LRRC74A: variants seen among roughly 807,000 people sequenced by gnomAD.
The protein encoded by LRRC74A is leucine-rich repeat-containing protein 74A.
In LRRC74A, 44 loss-of-function variants were observed where a neutral mutation model predicts 57.9. The observed-to-expected ratio is 0.76, with a 90% confidence interval of 0.60 to 0.98. The LOEUF is 0.98. Ranked by LOEUF, LRRC74A falls within the 50% of genes least tolerant of loss-of-function variation. The pLI, the probability that LRRC74A is intolerant of heterozygous loss-of-function variation, is 0.00. For missense variants in LRRC74A, 572 were observed against 574.0 expected, an observed-to-expected ratio of 1.00 and a Z score of 0.04; for synonymous variants, 211 against 219.4, an observed-to-expected ratio of 0.96 and a Z score of 0.34.
In LRRC74A at chr14:76,831,330, C is replaced by A; in HGVS notation, c.294C>A (p.His98Gln). 1.2e-6 allele frequency: 2 copies of A among 1,613,920 alleles called. No homozygotes were observed. The highest frequency in any genetic ancestry group is 1.7e-6 in the Non-Finnish European group (2 of 1,179,882). The change falls in exon 3 of 14, where the codon CAC (histidine) becomes CAA (glutamine). Residue 98 changes from histidine (H) to glutamine (Q), a missense_variant. Physicochemically the swap from His to Gln is conservative, Grantham distance 24 (BLOSUM62 0). Coordinates refer to ENST00000689127, the MANE Select transcript of LRRC74A (RefSeq NM_001385106.1). Reference sequence around the variant, plus strand: ...AGTCCTACGTGAACCTCAACCACCACGGCCTGGGCCCCAGGGGTACCAAGG... The same window carrying A: ...AGTCCTACGTGAACCTCAACCACCAAGGCCTGGGCCCCAGGGGTACCAAGG... ...MEESYVNLNH[H>Q]GLGPRGTKAI...
chr14:76,852,143 C>G (rs1405489415), intron 7 of LRRC74A, among the ~76,000 whole-genome samples: 2 of 152,186 alleles, frequency 1.3e-5, no homozygotes, highest in Non-Finnish European at 2.9e-5. Context: ...TCCTTCCCAC[C>G]TAAACTATGT....
chr14:76,831,476 C>A, intron 3 of LRRC74A, 101 bp downstream of exon 3: 2 of 1,286,876 alleles, frequency 1.6e-6, no homozygotes, highest in South Asian at 1.3e-5. Context: ...AGCCTAAACC[C>A]ACACTTTATG....
intron 12 of LRRC74A, among the ~76,000 whole-genome samples, chr14:76,866,578 G>A (rs1046586860): frequency 2.0e-5 from 3 of 152,154 alleles, no homozygotes; most frequent in African/African-American, 7.2e-5. Context: ...TAGGACTCCA[G>A]AGGAGAAGTT....
intron 3 of LRRC74A, among the ~76,000 whole-genome samples, chr14:76,833,682 A>T (rs1478193729): frequency 3.3e-5 from 5 of 151,916 alleles, no homozygotes; most frequent in Admixed American, 6.6e-5. Flanking sequence ...GCCTCAAGTG[A>T]TCCTCCCGCC....
intron 7 of LRRC74A, among the ~76,000 whole-genome samples, chr14:76,848,280 A>T: frequency 6.7e-6 from 1 of 149,304 alleles, no homozygotes; most frequent in Non-Finnish European, 1.5e-5. Context: ...AAAGTATGAT[A>T]AAAAAATAAA....
intron 3 of LRRC74A, among the ~76,000 whole-genome samples, chr14:76,833,690 G>A (rs8009379): frequency 0.28 from 42,953 of 151,814 alleles, 6,820 homozygotes; most frequent in East Asian, 0.51. Context: ...TGATCCTCCC[G>A]CCTTGGCCTC....
At chr14:76,838,301 G>A (rs1227292188) in intron 5 of LRRC74A, among the ~76,000 whole-genome samples, 3 of 152,106 alleles carry the variant, frequency 2.0e-5, no homozygotes, top group Non-Finnish European at 4.4e-5. Flanking sequence ...ATATGATTAA[G>A]AACATAAAAT....
At chr14:76,864,670 A>G (rs975963271) in intron 11 of LRRC74A, among the ~76,000 whole-genome samples, 1 of 152,166 alleles carries the variant, frequency 6.6e-6, no homozygotes, top group African/African-American at 2.4e-5. Context: ...CCTGACCAAC[A>G]TGGTGAAACC....
At chr14:76,858,012 T>C (rs1166932663) in intron 10 of LRRC74A, among the ~76,000 whole-genome samples, 1 of 152,236 alleles carries the variant, frequency 6.6e-6, no homozygotes, top group Non-Finnish European at 1.5e-5. Flanking sequence ...AGCACACAGG[T>C]GGCATCTGAT....
At chr14:76,844,357 AG>A in intron 5 of LRRC74A, 65 bp from the exon 6 acceptor site, 2 of 1,420,460 alleles carry the variant, frequency 1.4e-6, no homozygotes, top group East Asian at 2.4e-5. Context: ...TGGGAGGGGC[AG>A]GGGGTGGGAG....
At position 76,828,343 on chromosome 14, in the gene LRRC74A, T is replaced by G. The variant is rs1300441191; in HGVS notation, c.90T>G (p.Cys30Trp). ...VRQSSDKMLY[C>W]EAESPPTVEK... ...AGAGCAGCGATAAAATGCTCTACTG[T>G]GAGGCCGAATCCCCGCCGACTGTTG... Residue 30 changes from cysteine (C) to tryptophan (W), a missense_variant, in exon 2 of 14, where the codon TGT (cysteine) becomes TGG (tryptophan). Transcript: ENST00000689127. 6.2e-7 allele frequency: 1 copy of G among 1,613,448 alleles called. No homozygotes were observed. Among genetic ancestry groups the G allele is most frequent in the African/African-American group, 1.3e-5 (1 of 75,014 alleles).
chr14:76,832,510 G>A (rs1359822524), intron 3 of LRRC74A, among the ~76,000 whole-genome samples: 1 of 152,184 alleles, frequency 6.6e-6, no homozygotes, highest in Non-Finnish European at 1.5e-5. Flanking sequence ...GTCTTGCTAT[G>A]TTGCCCAGGC....
intron 7 of LRRC74A, among the ~76,000 whole-genome samples, chr14:76,851,238 T>C (rs1236680654): frequency 6.6e-6 from 1 of 152,276 alleles, no homozygotes; most frequent in African/African-American, 2.4e-5. Flanking sequence ...ATAGGCATCA[T>C]GTGACGTAAT....
chr14:76,846,051 A>T (rs1197373793), intron 7 of LRRC74A, among the ~76,000 whole-genome samples: 2 of 152,016 alleles, frequency 1.3e-5, no homozygotes. Flanking sequence ...ACAGACAGGG[A>T]GTAGATATTT....
chr14:76,853,467 G>GTGTGTGTGTGTT, intron 9 of LRRC74A, 57 bp downstream of exon 9: 1 of 1,416,434 alleles, frequency 7.1e-7, no homozygotes, highest in South Asian at 1.3e-5. Flanking sequence ...GTGTGTTTGT[G>GTGTGTGTGTGTT]TATGTGTTGG....
chr14:76,831,808 T>C (rs1895996120), intron 3 of LRRC74A, among the ~76,000 whole-genome samples: 1 of 152,168 alleles, frequency 6.6e-6, no homozygotes, highest in Non-Finnish European at 1.5e-5. Context: ...TTGTGCAACA[T>C]TATATTTCAT....
rs1308741982 is a variant in LRRC74A at position 76,870,122 on chromosome 14, C to A, written c.1392-3C>A. On this transcript the variant is annotated splice_region_variant and splice_polypyrimidine_tract_variant and intron_variant, in intron 13 of 13. Transcript: ENST00000689127. ...AGCATCTTTCCCTTACCTTTCGTACCAGTTTCTTGAACACGATGAAGCCAT... is the reference window on the plus strand; with the variant it reads ...AGCATCTTTCCCTTACCTTTCGTACAAGTTTCTTGAACACGATGAAGCCAT... 6.2e-7 allele frequency: 1 copy of A among 1,611,350 alleles called. No homozygotes were observed. Among genetic ancestry groups the A allele is most frequent in the African/African-American group, 1.3e-5 (1 of 74,928 alleles).
At chr14:76,846,406 G>A (rs955973515) in intron 7 of LRRC74A, among the ~76,000 whole-genome samples, 1 of 152,166 alleles carries the variant, frequency 6.6e-6, no homozygotes, top group African/African-American at 2.4e-5. Context: ...CTCCCATCAA[G>A]GGGAATTGTC....
chr14:76,843,762 C>T (rs966490184), intron 5 of LRRC74A, among the ~76,000 whole-genome samples: 1 of 151,848 alleles, frequency 6.6e-6, no homozygotes, highest in South Asian at 2.1e-4. Context: ...AGTGCAGTGG[C>T]GTTGTGATCT....
Sources: gnomAD v4.1 joint callset for allele counts (sites outside exome capture counted in the v4.1 genomes callset) on GRCh38, gnomAD v4.1.1 for gene constraint, MANE v1.5 for transcripts, NCBI Gene and HGNC (gene_info 2026-07-23, HGNC 2026-07-21) for gene names.